Variants in NBAS observed in about 807,000 individuals in gnomAD.
NBAS encodes NAG/BC035112 fusion.
Under a neutral mutation model 302.5 loss-of-function variants are expected in NBAS, and 219 were observed. The observed-to-expected ratio is 0.72, with a 90% CI of 0.65 to 0.81. The LOEUF is 0.81. Ranked by LOEUF, NBAS falls within the 30% of genes least tolerant of loss-of-function variation. The pLI is 0.00. For synonymous variants in NBAS, 1,118 were observed against 1,021.6 expected, an observed-to-expected ratio of 1.09 and a Z score of -1.80; for missense variants, 2,932 against 2,841.6, an observed-to-expected ratio of 1.03 and a Z score of -0.72.
At chr2:15,190,976 T>C (rs1215979168) in intron 48 of NBAS, among the ~76,000 whole-genome samples, 1 of 152,206 alleles carries the variant, frequency 6.6e-6, no homozygotes, top group Non-Finnish European at 1.5e-5. Context: ...ACACCCATTT[T>C]TCCTTTCATT....
the NBAS span, among the ~76,000 whole-genome samples, chr2:15,110,270 G>C: frequency 6.6e-6 from 1 of 152,114 alleles, no homozygotes; most frequent in African/African-American, 2.4e-5. Context: ...ACAGTAGGTA[G>C]TTGTGAGATG....
At chr2:15,551,616 G>A in intron 5 of NBAS, 80 bp from the exon 6 acceptor site, 1 of 1,049,592 alleles carries the variant, frequency 9.5e-7, no homozygotes. Context: ...CTGTGGACTA[G>A]ACAGCCTCTA....
At chr2:15,308,702 T>C (rs1671140406) in intron 39 of NBAS, among the ~76,000 whole-genome samples, 2 of 152,176 alleles carry the variant, frequency 1.3e-5, no homozygotes, top group Admixed American at 6.5e-5. Flanking sequence ...CTATGTTGAA[T>C]AGGAGTGGTG....
chr2:15,112,590 T>C, the NBAS span, among the ~76,000 whole-genome samples: 142 of 152,248 alleles, frequency 9.3e-4, 1 homozygote, highest in African/African-American at 3.1e-3. Context: ...ATCAGCCCAG[T>C]ATGGCCATAA....
the NBAS span, among the ~76,000 whole-genome samples, chr2:14,917,120 C>G: frequency 6.6e-6 from 1 of 152,178 alleles, no homozygotes; most frequent in Non-Finnish European, 1.5e-5. Context: ...CAAAACGTAG[C>G]AGCTTAAAAC....
At chr2:14,991,731 A>C in the NBAS span, among the ~76,000 whole-genome samples, 7 of 152,324 alleles carry the variant, frequency 4.6e-5, no homozygotes, top group South Asian at 2.1e-4. Context: ...GTCTTGGTAG[A>C]ATCTTGGGCC....
intron 47 of NBAS, among the ~76,000 whole-genome samples, chr2:15,226,454 C>T (rs920377207): frequency 2.6e-5 from 4 of 152,074 alleles, no homozygotes; most frequent in African/African-American, 7.2e-5. Context: ...TTGATATTTT[C>T]TTCTTGAAAT....
intron 50 of NBAS, among the ~76,000 whole-genome samples, chr2:15,182,889 C>T (rs1241675335): frequency 2.0e-5 from 3 of 151,954 alleles, no homozygotes; most frequent in African/African-American, 7.3e-5. Flanking sequence ...TCTGAGGAGT[C>T]GTGAATTTTT....
At chr2:14,837,813 C>A in the NBAS span, among the ~76,000 whole-genome samples, 3 of 151,656 alleles carry the variant, frequency 2.0e-5, no homozygotes, top group African/African-American at 7.3e-5. Flanking sequence ...TATTTAATTT[C>A]TTTCCACATT....
the NBAS span, among the ~76,000 whole-genome samples, chr2:14,964,259 C>A: frequency 6.6e-6 from 1 of 152,090 alleles, no homozygotes; most frequent in South Asian, 2.1e-4. Context: ...GACATTAAAA[C>A]AATTATTATT....
chr2:15,102,946 A>G, the NBAS span, among the ~76,000 whole-genome samples: 1 of 147,482 alleles, frequency 6.8e-6, no homozygotes, highest in Non-Finnish European at 1.5e-5. Flanking sequence ...GGGTATACAG[A>G]TTTTGGAGGG....
intron 3 of NBAS, among the ~76,000 whole-genome samples, chr2:15,555,261 T>TAA (rs770559877): frequency 8.1e-5 from 11 of 135,790 alleles, no homozygotes; most frequent in South Asian, 7.0e-4. Context: ...GACCCTCTCT[T>TAA]AAAAAAAAAA....
the NBAS span, among the ~76,000 whole-genome samples, chr2:15,027,157 T>C: frequency 4.6e-5 from 7 of 152,234 alleles, no homozygotes; most frequent in Admixed American, 4.6e-4. Flanking sequence ...CTATTTGGCA[T>C]GGCATTCACA....
At chr2:15,310,630 AAAG>A (rs1363073738) in intron 38 of NBAS, among the ~76,000 whole-genome samples, 1 of 152,214 alleles carries the variant, frequency 6.6e-6, no homozygotes, top group Admixed American at 6.5e-5. Flanking sequence ...TTACAAGATC[AAAG>A]AAGAGGTAGC....
chr2:14,969,092 T>C, the NBAS span, among the ~76,000 whole-genome samples: 22 of 152,180 alleles, frequency 1.4e-4, no homozygotes, highest in African/African-American at 4.8e-4. Flanking sequence ...TAGAAACTAG[T>C]CAACAAAAGG....
the NBAS span, chr2:14,886,869 CA>C: frequency 6.6e-6 from 1 of 152,224 alleles, no homozygotes; most frequent in African/African-American, 2.4e-5. Flanking sequence ...CTGTTTCACA[CA>C]AGCTAGGATC....
chr2:15,335,174 T>TAAAAAA (rs34790746), intron 35 of NBAS, among the ~76,000 whole-genome samples: 35 of 117,272 alleles, frequency 3.0e-4, no homozygotes, highest in African/African-American at 9.3e-4. Context: ...TCATCTCTCT[T>TAAAAAA]AAAAAAAAAA....
chr2:15,182,926 A>G (rs1195882344), intron 50 of NBAS, among the ~76,000 whole-genome samples: 2 of 152,218 alleles, frequency 1.3e-5, no homozygotes, highest in Admixed American at 1.3e-4. Context: ...ATGGGAGCTT[A>G]GTGAAAAACG....
chr2:15,125,439 G>A, the NBAS span, among the ~76,000 whole-genome samples: 432 of 152,216 alleles, frequency 2.8e-3, 1 homozygote, highest in African/African-American at 9.8e-3. Flanking sequence ...TCACTATCAC[G>A]AGGACAGTGC....
Sources: allele counts gnomAD v4.1 joint callset (sites outside exome capture counted in the v4.1 genomes callset), GRCh38; gene constraint gnomAD v4.1.1; transcripts MANE v1.5; gene names NCBI Gene and HGNC (gene_info 2026-07-23, HGNC 2026-07-21).